DDX31: variants seen among roughly 807,000 people sequenced by gnomAD.
DDX31 encodes ATP-dependent DNA helicase DDX31.
A neutral mutation model predicts 91.3 loss-of-function variants in DDX31; 70 were observed. That is an observed-to-expected ratio of 0.77 (90% CI 0.63 to 0.94). The LOEUF (loss-of-function observed/expected upper bound fraction) is 0.94. Among genes scored for constraint, DDX31 ranks in the 40% least tolerant of loss-of-function variants. The pLI is 0.00. For missense variants in DDX31, 902 were observed against 925.0 expected, an observed-to-expected ratio of 0.98 and a Z score of 0.32; for synonymous variants, 362 against 350.6, an observed-to-expected ratio of 1.03 and a Z score of -0.36.
intron 11 of DDX31, among the ~76,000 whole-genome samples, chr9:132,647,707 T>G (rs1331358645): frequency 6.6e-6 from 1 of 152,150 alleles, no homozygotes; most frequent in East Asian, 1.9e-4. Flanking sequence ...AGCCTTCGTG[T>G]TCCCAGTGAT....
chr9:132,632,254 A>ACACACACACACACAGTCCTG (rs1832809751), intron 14 of DDX31, among the ~76,000 whole-genome samples, 163 bp from the exon 15 acceptor site: 1 of 99,082 alleles, frequency 1.0e-5, no homozygotes, highest in Non-Finnish European at 1.9e-5. Context: ...ACACACACAC[A>ACACACACACACACAGTCCTG]CACACACACA....
In DDX31 at chr9:132,662,609, G is replaced by A. The variant is rs1250503401; in HGVS notation, c.162C>T (p.Ala54=). 3.1e-6 allele frequency: 5 copies of A among 1,614,058 alleles called. No individual in the cohort carries two copies. The African/African-American group carries it at 6.7e-5, about 22-fold the overall frequency. ...KRRNETSFLP[A]KKTSVKETQR... Reference sequence around the variant, plus strand: ...GAGTTTCTTTAACACTAGTTTTCTTGGCTGGGAGAAATGAAGTTTCGTTCC... The same window carrying A: ...GAGTTTCTTTAACACTAGTTTTCTTAGCTGGGAGAAATGAAGTTTCGTTCC... Residue 54 remains alanine (A), a synonymous_variant, in exon 2 of 20, where the codon GCC becomes GCT. Coordinates refer to ENST00000372159, the MANE Select transcript of DDX31 (RefSeq NM_022779.9).
intron 9 of DDX31, among the ~76,000 whole-genome samples, chr9:132,649,080 G>A (rs979948944): frequency 1.3e-5 from 2 of 152,022 alleles, no homozygotes; most frequent in Non-Finnish European, 2.9e-5. Context: ...TCAGTCCACC[G>A]TAATAAAAGC....
intron 14 of DDX31, among the ~76,000 whole-genome samples, chr9:132,634,707 C>T (rs1195051355): frequency 1.3e-5 from 2 of 151,060 alleles, no homozygotes; most frequent in South Asian, 2.1e-4. Context: ...ATGCTCTGGC[C>T]TCGACCTCCT....
At chr9:132,662,129 G>T in intron 3 of DDX31, 132 bp downstream of exon 3, 1 of 858,926 alleles carries the variant, frequency 1.2e-6, no homozygotes, top group Non-Finnish European at 1.8e-6. Flanking sequence ...ATCAATCTGA[G>T]TTCATTCAGG....
chr9:132,603,104 G>C (rs1386898836), intron 19 of DDX31, among the ~76,000 whole-genome samples: 1 of 152,196 alleles, frequency 6.6e-6, no homozygotes, highest in Non-Finnish European at 1.5e-5. Context: ...GAGATAATGT[G>C]CATGGAGGAC....
intron 14 of DDX31, among the ~76,000 whole-genome samples, chr9:132,639,639 A>G (rs1472047587): frequency 1.3e-5 from 2 of 152,236 alleles, no homozygotes; most frequent in African/African-American, 4.8e-5. Flanking sequence ...ACTATTTCAG[A>G]AAGAATAATC....
At chr9:132,669,632 C>A in intron 1 of DDX31, 2 of 1,530,086 alleles carry the variant, frequency 1.3e-6, no homozygotes, top group Non-Finnish European at 1.7e-6. Flanking sequence ...GCCAGCTCCC[C>A]GCCCCTCCAC....
At chr9:132,633,222 T>C (rs932721091) in intron 14 of DDX31, among the ~76,000 whole-genome samples, 1 of 152,208 alleles carries the variant, frequency 6.6e-6, no homozygotes, top group African/African-American at 2.4e-5. Flanking sequence ...TATTATATTA[T>C]ACCGCATTCC....
At chr9:132,641,357 C>A (rs1281495024) in intron 14 of DDX31, among the ~76,000 whole-genome samples, 2 of 152,202 alleles carry the variant, frequency 1.3e-5, no homozygotes, top group Non-Finnish European at 2.9e-5. Flanking sequence ...GTTACATCAT[C>A]CAAGATGGAA....
Position 132,595,236 on chromosome 9 carries a change from C to T in DDX31, c.1995-124G>A, listed in dbSNP as rs1477537318. ...TGACATTTTTGTATTAACAGAAGTA[C>T]AATCCCTTCAATAGTACTTGTTTTG... On this transcript the variant is annotated intron_variant, in intron 19 of 19. Coordinates refer to ENST00000372159, the MANE Select transcript of DDX31 (RefSeq NM_022779.9). This position sits in a 1 kb window ranked among gnomAD's most constrained non-coding sequence, Gnocchi z 4.6. 3.5e-6 allele frequency: 4 copies of T among 1,129,090 alleles called. No individual in the cohort carries two copies. The highest frequency in any genetic ancestry group is 1.6e-5 in the South Asian group (1 of 62,952). 69.9% of individuals were successfully genotyped at this position (1,129,090 alleles called of 1,614,324 possible).
intron 14 of DDX31, chr9:132,638,100 G>A: frequency 7.4e-7 from 1 of 1,350,772 alleles, no homozygotes; most frequent in Non-Finnish European, 9.5e-7. Flanking sequence ...GCGCCGGACA[G>A]CCAAGGAGGA....
In DDX31 at chr9:132,620,962, C is replaced by T. The variant is rs530481283; in HGVS notation, c.1714-2521G>A. Among the ~76,000 whole-genome samples the T allele has an allele frequency of 2.6e-5, 4 of 152,318 alleles. No homozygotes were observed. In the South Asian group the frequency reaches 8.3e-4, roughly 32 times the overall value. On this transcript the variant is annotated intron_variant, in intron 17 of 19. Coordinates refer to ENST00000372159, the MANE Select transcript of DDX31 (RefSeq NM_022779.9). ...CGCAATGCACCTTTGTCTCTAACAT[C>T]CTACTGATCTTGGAAAACACAGGCC... is the stretch of plus-strand genomic sequence containing the variant.
In DDX31 at chr9:132,628,986, C is replaced by A. The variant is rs77330394; in HGVS notation, c.1631+1278G>T. On this transcript the variant is annotated intron_variant, in intron 16 of 19. Coordinates refer to ENST00000372159, the MANE Select transcript of DDX31 (RefSeq NM_022779.9). ...TCAGGGAGGAAAAGGAAACTGGCTG[C>A]GCCAGCGGGCTTGCATTTTACCTTC... Among the ~76,000 whole-genome samples the A allele has an allele frequency of 3.3e-5, 5 of 152,328 alleles. No individual in the cohort carries two copies. The South Asian group carries it at 1.0e-3, about 32-fold the overall frequency.
chr9:132,669,406 G>A (rs527435209), intron 1 of DDX31, among the ~76,000 whole-genome samples: 1 of 152,156 alleles, frequency 6.6e-6, no homozygotes, highest in Admixed American at 6.5e-5. Flanking sequence ...TTAAATGAAA[G>A]CCATCTGATG....
intron 1 of DDX31, chr9:132,663,613 T>C: frequency 1.3e-6 from 1 of 782,682 alleles, no homozygotes; most frequent in Non-Finnish European, 1.6e-6. Context: ...TGCTTGTTAT[T>C]CTGGAGTTTT....
chr9:132,595,216 T>A lies in DDX31; in HGVS notation c.1995-104A>T. 7.2e-7 allele frequency: 1 copy of A among 1,383,120 alleles called. No homozygotes were observed. Among genetic ancestry groups the A allele is most frequent in the South Asian group, 1.4e-5 (1 of 70,894 alleles). The allele number at this position is 1,383,120 out of a possible 1,614,324, so 85.7% of individuals were successfully genotyped here. On this transcript the variant is annotated intron_variant, in intron 19 of 19. Transcript: ENST00000372159. This position sits in a 1 kb window ranked among gnomAD's most constrained non-coding sequence, Gnocchi z 4.6. ...TGGTTCTGAGACTGTGAAGCTGACA[T>A]TTTTGTATTAACAGAAGTACAATCC...
intron 14 of DDX31, among the ~76,000 whole-genome samples, chr9:132,635,833 A>G (rs2130703308): frequency 6.6e-6 from 1 of 152,060 alleles, no homozygotes; most frequent in Non-Finnish European, 1.5e-5. Context: ...AGTCCCAGCT[A>G]CTTCGGAGAC....
chr9:132,654,615 A>G (rs1463664023), intron 6 of DDX31, among the ~76,000 whole-genome samples: 1 of 151,722 alleles, frequency 6.6e-6, no homozygotes, highest in African/African-American at 2.4e-5. Flanking sequence ...TTCATCTCAA[A>G]CAAAACAAAA....
Sources: allele counts gnomAD v4.1 joint callset (sites outside exome capture counted in the v4.1 genomes callset), GRCh38; gene constraint gnomAD v4.1.1; non-coding constraint Gnocchi (gnomAD v3.1); transcripts MANE v1.5; gene names NCBI Gene and HGNC (gene_info 2026-07-23, HGNC 2026-07-21).